The following EHBP1 variants were observed in gnomAD, a reference collection of about 807,000 sequenced individuals.
EHBP1 encodes EH domain binding protein 1, also known as EH domain-binding protein 1.
A neutral mutation model predicts 144.0 loss-of-function variants in EHBP1; 55 were observed. The observed-to-expected ratio is 0.38, with a 90% CI of 0.31 to 0.48. The LOEUF is 0.48. Ranked by LOEUF, EHBP1 falls within the 20% of genes least tolerant of loss-of-function variation. The pLI is 0.98. For synonymous variants in EHBP1, 469 were observed against 472.7 expected, an observed-to-expected ratio of 0.99 and a Z score of 0.10; for missense variants, 1,200 against 1,364.2, an observed-to-expected ratio of 0.88 and a Z score of 1.90.
At chr2:62,712,385 A>AG (rs1352943662) in intron 2 of EHBP1, among the ~76,000 whole-genome samples, 260 of 152,336 alleles carry the variant, frequency 1.7e-3, no homozygotes, top group African/African-American at 5.5e-3. Context: ...GAAGTTGTCA[A>AG]AGTGAGAATG....
At chr2:62,790,559 A>G (rs751589559) in intron 5 of EHBP1, among the ~76,000 whole-genome samples, 1 of 152,174 alleles carries the variant, frequency 6.6e-6, no homozygotes, top group Non-Finnish European at 1.5e-5. Flanking sequence ...TAAAAGAAAT[A>G]AGGCTCTACT....
intron 10 of EHBP1, among the ~76,000 whole-genome samples, chr2:62,918,038 A>G (rs2054780845): frequency 1.3e-5 from 2 of 152,128 alleles, no homozygotes; most frequent in South Asian, 4.1e-4. Context: ...CTGGAATTAC[A>G]GGCATTTGCC....
chr2:62,990,629 A>T, intron 15 of EHBP1, 87 bp from the exon 16 acceptor site: 1 of 1,370,128 alleles, frequency 7.3e-7, no homozygotes, highest in South Asian at 1.3e-5. Flanking sequence ...AAATATAGTA[A>T]TACTTTTCTG....
intron 8 of EHBP1, among the ~76,000 whole-genome samples, chr2:62,861,430 T>C (rs2049537578): frequency 6.6e-6 from 1 of 150,678 alleles, no homozygotes; most frequent in Non-Finnish European, 1.5e-5. Flanking sequence ...GCCCAGCCCT[T>C]GAGTGGCTTT....
Position 62,942,771 on chromosome 2 carries a change from T to C in EHBP1, c.1239T>C (p.Ser413=). 1 of 1,613,690 alleles carries C rather than the reference T, an allele frequency of 6.2e-7. No homozygotes were observed. Among genetic ancestry groups the C allele is most frequent in the South Asian group, 1.1e-5 (1 of 90,978 alleles). The stretch of plus-strand genomic sequence containing the variant: ...GGCGAAAGCCAAATGCTAGTCAGTC[T>C]TTGCTTGTATGGTGTAAAGAAGTTA... ...VLGRKPNASQ[S]LLVWCKEVTK... Residue 413 remains serine (S), a synonymous_variant, in exon 11 of 23, where the codon TCT becomes TCC. Coordinates refer to ENST00000431489, the MANE Select transcript of EHBP1 (RefSeq NM_001142616.3).
At chr2:62,817,689 A>G (rs1331664011) in intron 5 of EHBP1, among the ~76,000 whole-genome samples, 2 of 152,210 alleles carry the variant, frequency 1.3e-5, no homozygotes, top group East Asian at 3.9e-4. Flanking sequence ...TTTAAAGGGT[A>G]TTAATCCAGT....
At chr2:62,834,487 T>A (rs1031010174) in intron 7 of EHBP1, among the ~76,000 whole-genome samples, 3 of 152,238 alleles carry the variant, frequency 2.0e-5, no homozygotes, top group Non-Finnish European at 4.4e-5. Context: ...AGATTATCAC[T>A]TACTGAAGGC....
In EHBP1 at chr2:62,956,979, A is replaced by C. The variant is rs530622347; in HGVS notation, c.2460+1319A>C. Among the ~76,000 whole-genome samples, 16 of 152,320 alleles carry C rather than the reference A, an allele frequency of 1.1e-4. 1 individual carries two copies. The South Asian group carries it at 3.1e-3, about 30-fold the overall frequency. On this transcript the variant is annotated intron_variant, in intron 14 of 22. Coordinates refer to ENST00000431489, the MANE Select transcript of EHBP1 (RefSeq NM_001142616.3). ...AAGTGTCCCAATGGAATAAGGCATA[A>C]ATATGTGGCATTCTTATGATCTAGC...
intron 9 of EHBP1, among the ~76,000 whole-genome samples, chr2:62,866,629 G>A (rs2050062388): frequency 6.6e-6 from 1 of 152,076 alleles, no homozygotes; most frequent in Non-Finnish European, 1.5e-5. Flanking sequence ...TTAACCCCTT[G>A]TTAAATACTG....
intron 10 of EHBP1, among the ~76,000 whole-genome samples, chr2:62,890,234 C>G (rs904997613): frequency 3.3e-5 from 5 of 152,066 alleles, no homozygotes; most frequent in African/African-American, 4.8e-5. Context: ...CCACGCCTAG[C>G]CCCATATGAA....
intron 10 of EHBP1, among the ~76,000 whole-genome samples, chr2:62,933,925 G>A (rs1025604019): frequency 9.2e-5 from 14 of 152,126 alleles, no homozygotes; most frequent in African/African-American, 3.4e-4. Flanking sequence ...TTGTGCGTGT[G>A]TCTAGTATTT....
intron 5 of EHBP1, among the ~76,000 whole-genome samples, chr2:62,821,810 C>G (rs997269244): frequency 2.0e-5 from 3 of 152,096 alleles, no homozygotes; most frequent in African/African-American, 4.8e-5. Flanking sequence ...GTGAAATTAT[C>G]TAAATGCTTT....
At chr2:62,935,163 A>T (rs2056281470) in intron 10 of EHBP1, among the ~76,000 whole-genome samples, 1 of 151,630 alleles carries the variant, frequency 6.6e-6, no homozygotes, top group African/African-American at 2.4e-5. Flanking sequence ...CCGTGTCTCT[A>T]CTAAAAATAC....
intron 14 of EHBP1, among the ~76,000 whole-genome samples, chr2:62,960,546 A>G (rs78738667): frequency 6.6e-6 from 1 of 152,124 alleles, no homozygotes; most frequent in Non-Finnish European, 1.5e-5. Flanking sequence ...TCTTCCTCTC[A>G]TTCAACTGTG....
At chr2:62,714,807 T>G (rs964309455) in intron 2 of EHBP1, among the ~76,000 whole-genome samples, 2 of 152,164 alleles carry the variant, frequency 1.3e-5, no homozygotes, top group Admixed American at 6.5e-5. Context: ...TAGCATAGGT[T>G]GGAGTGACCA....
chr2:62,893,562 A>G (rs2152921547), intron 10 of EHBP1, among the ~76,000 whole-genome samples: 1 of 152,354 alleles, frequency 6.6e-6, no homozygotes, highest in East Asian at 1.9e-4. Flanking sequence ...GACAAGGGGA[A>G]ATATATTCCT....
At chr2:62,846,464 A>G (rs1282403223) in intron 7 of EHBP1, among the ~76,000 whole-genome samples, 1 of 152,230 alleles carries the variant, frequency 6.6e-6, no homozygotes, top group East Asian at 1.9e-4. Flanking sequence ...CAAGTTTCTT[A>G]GCAAAGTTTC....
At chr2:62,848,275 G>T (rs2048439281) in intron 7 of EHBP1, among the ~76,000 whole-genome samples, 1 of 151,688 alleles carries the variant, frequency 6.6e-6, no homozygotes, top group Non-Finnish European at 1.5e-5. Flanking sequence ...TAGAGATGGG[G>T]TTTCACCATG....
At chr2:62,713,782 A>T (rs2035392838) in intron 2 of EHBP1, among the ~76,000 whole-genome samples, 1 of 152,234 alleles carries the variant, frequency 6.6e-6, no homozygotes, top group Admixed American at 6.5e-5. Flanking sequence ...TGATTTTAGC[A>T]AATGCTAAAT....
Sources: allele counts gnomAD v4.1 joint callset (sites outside exome capture counted in the v4.1 genomes callset), GRCh38; gene constraint gnomAD v4.1.1; transcripts MANE v1.5; gene names NCBI Gene and HGNC (gene_info 2026-07-23, HGNC 2026-07-21).